The following ADAMTSL1 variants were observed in gnomAD, a reference collection of about 807,000 sequenced individuals.
The protein encoded by ADAMTSL1 is ADAMTS-like protein 1.
A neutral mutation model predicts 201.8 loss-of-function variants in ADAMTSL1; 126 were observed. The observed-to-expected ratio is 0.62, with a 90% CI of 0.54 to 0.72. The LOEUF (loss-of-function observed/expected upper bound fraction) is 0.72. Ranked by LOEUF, ADAMTSL1 falls within the 30% of genes least tolerant of loss-of-function variation. The pLI is 0.00. For synonymous variants in ADAMTSL1, 1,121 were observed against 903.4 expected, an observed-to-expected ratio of 1.24 and a Z score of -4.32; for missense variants, 2,679 against 2,277.8, an observed-to-expected ratio of 1.18 and a Z score of -3.59.
intron 23 of ADAMTSL1, among the ~76,000 whole-genome samples, chr9:18,867,127 G>C (rs1477586604): frequency 6.6e-6 from 1 of 152,200 alleles, no homozygotes; most frequent in Non-Finnish European, 1.5e-5. Flanking sequence ...TTTCCAATAA[G>C]AGGAGGACAG....
chr9:18,800,515 G>C (rs1822727625), intron 20 of ADAMTSL1, among the ~76,000 whole-genome samples: 1 of 150,448 alleles, frequency 6.6e-6, no homozygotes, highest in Admixed American at 6.7e-5. Flanking sequence ...GAATAGCTAA[G>C]ACCCTTAAGT....
intron 25 of ADAMTSL1, among the ~76,000 whole-genome samples, chr9:18,891,183 G>C (rs1237640170): frequency 7.4e-6 from 1 of 134,638 alleles, no homozygotes; most frequent in African/African-American, 2.8e-5. Context: ...CGCTTGGCTA[G>C]GACGAAGCCA....
chr9:18,574,913 G>A (rs1434796733), intron 4 of ADAMTSL1, among the ~76,000 whole-genome samples: 1 of 152,174 alleles, frequency 6.6e-6, no homozygotes, highest in Non-Finnish European at 1.5e-5. Context: ...TGTTTGTCAT[G>A]TCTTTGCCAT....
At chr9:18,006,992 CT>C (rs1286967418) in intron 1 of ADAMTSL1, among the ~76,000 whole-genome samples, 3 of 151,932 alleles carry the variant, frequency 2.0e-5, no homozygotes, top group African/African-American at 7.2e-5. Flanking sequence ...AAAAATCGGG[CT>C]CATTTTTAAA....
In ADAMTSL1 at chr9:18,433,838, G is replaced by A. The variant is rs547266080; in HGVS notation, c.208-70991G>A. ...TTGTAACAGATCTGTTCCACAATGT[G>A]TATATGTCCTGACATATAGAAAATG... On this transcript the variant is annotated intron_variant, in intron 2 of 29. Transcript: ENST00000680146. 5.5e-4 allele frequency among the ~76,000 whole-genome samples: 83 copies of A among 152,286 alleles called. 1 individual carries two copies. The South Asian group carries it at 0.013, about 24-fold the overall frequency.
chr9:18,805,515 G>T (rs911394827), intron 20 of ADAMTSL1, among the ~76,000 whole-genome samples: 1 of 152,186 alleles, frequency 6.6e-6, no homozygotes, highest in South Asian at 2.1e-4. Flanking sequence ...GTGCTAAGCC[G>T]TTGTTCTTAC....
intron 1 of ADAMTSL1, among the ~76,000 whole-genome samples, chr9:18,498,953 T>C (rs1196676055): frequency 6.6e-6 from 1 of 152,272 alleles, no homozygotes; most frequent in East Asian, 1.9e-4. Context: ...TTAGTGCAGT[T>C]AGTCGCCTTA....
intron 2 of ADAMTSL1, among the ~76,000 whole-genome samples, chr9:18,354,536 GATTTCATT>G (rs1032241961): frequency 6.6e-6 from 1 of 152,142 alleles, no homozygotes; most frequent in African/African-American, 2.4e-5. Flanking sequence ...TAATAATGAA[GATTTCATT>G]ATCCCTTCCT....
At chr9:17,976,736 C>A (rs948244333) in intron 1 of ADAMTSL1, among the ~76,000 whole-genome samples, 2 of 150,530 alleles carry the variant, frequency 1.3e-5, no homozygotes, top group African/African-American at 4.9e-5. Flanking sequence ...CCTCCCTGCC[C>A]CCTGCCTCCC....
chr9:18,788,157 A>G, intron 19 of ADAMTSL1, among the ~76,000 whole-genome samples: 1 of 152,216 alleles, frequency 6.6e-6, no homozygotes. Flanking sequence ...GAAACTCTTC[A>G]TGAACCTCAA....
intron 2 of ADAMTSL1, among the ~76,000 whole-genome samples, chr9:18,335,047 T>A (rs929571006): frequency 6.6e-6 from 1 of 152,138 alleles, no homozygotes; most frequent in African/African-American, 2.4e-5. Flanking sequence ...GATCCCTTAA[T>A]AACTTGAAGG....
At chr9:18,221,757 TCC>T (rs1830267688) in intron 2 of ADAMTSL1, among the ~76,000 whole-genome samples, 1 of 152,164 alleles carries the variant, frequency 6.6e-6, no homozygotes, top group Non-Finnish European at 1.5e-5. Context: ...GTGTGTGTTA[TCC>T]AGTTGTTGCT....
intron 4 of ADAMTSL1, among the ~76,000 whole-genome samples, chr9:18,616,772 C>G (rs1825723872): frequency 1.3e-5 from 2 of 152,134 alleles, no homozygotes; most frequent in Admixed American, 1.3e-4. Context: ...CCTTTTTGCT[C>G]CATTCACTCA....
chr9:18,532,682 T>C (rs542403232), intron 2 of ADAMTSL1, among the ~76,000 whole-genome samples: 3 of 152,070 alleles, frequency 2.0e-5, no homozygotes, highest in Non-Finnish European at 2.9e-5. Flanking sequence ...ATAGTGATTG[T>C]CTTTAGATGA....
At chr9:18,098,307 A>C (rs1007921016) in intron 1 of ADAMTSL1, among the ~76,000 whole-genome samples, 1 of 152,090 alleles carries the variant, frequency 6.6e-6, no homozygotes, top group Admixed American at 6.6e-5. Context: ...ATTTCCATAT[A>C]AGGTTTATAA....
At chr9:18,404,946 C>T (rs1432229754) in intron 2 of ADAMTSL1, among the ~76,000 whole-genome samples, 4 of 152,150 alleles carry the variant, frequency 2.6e-5, no homozygotes, top group African/African-American at 9.7e-5. Context: ...TCTGTCTCTC[C>T]CTTTGCCCCT....
At chr9:18,572,212 A>G (rs1039857559) in intron 3 of ADAMTSL1, among the ~76,000 whole-genome samples, 1 of 152,038 alleles carries the variant, frequency 6.6e-6, no homozygotes, top group Admixed American at 6.6e-5. Flanking sequence ...AAAAAAATAA[A>G]GTTAATTTGT....
chr9:18,791,086 C>T (rs1318974625), intron 19 of ADAMTSL1, among the ~76,000 whole-genome samples: 2 of 152,114 alleles, frequency 1.3e-5, no homozygotes, highest in African/African-American at 2.4e-5. Flanking sequence ...CAGCAACTAG[C>T]GAATTAAGCT....
intron 3 of ADAMTSL1, among the ~76,000 whole-genome samples, chr9:18,563,504 A>C (rs1441342838): frequency 6.6e-6 from 1 of 152,196 alleles, no homozygotes; most frequent in Non-Finnish European, 1.5e-5. Flanking sequence ...GACCCACTTC[A>C]CGAGGCAGCC....
Sources: gnomAD v4.1 joint callset for allele counts (sites outside exome capture counted in the v4.1 genomes callset) on GRCh38, gnomAD v4.1.1 for gene constraint, MANE v1.5 for transcripts, NCBI Gene and HGNC (gene_info 2026-07-23, HGNC 2026-07-21) for gene names.